SUGCT: variants seen among roughly 807,000 people sequenced by gnomAD.
The protein encoded by SUGCT is succinyl-CoA:glutarate CoA-transferase.
SUGCT carries 41 observed loss-of-function variants against 55.0 expected under a neutral mutation model. That is an observed-to-expected ratio of 0.74 (90% confidence interval 0.58 to 0.97). The LOEUF is 0.97. SUGCT is among the 50% of genes least tolerant of loss of function. The probability of loss-of-function intolerance (pLI) is 0.00; values close to 1 mark genes in which losing one functional copy is unlikely to be tolerated. For missense variants in SUGCT, 568 were observed against 547.8 expected, an observed-to-expected ratio of 1.04 and a Z score of -0.37; for synonymous variants, 187 against 200.4, an observed-to-expected ratio of 0.93 and a Z score of 0.56.
At chr7:40,405,137 G>T (rs561305670) in intron 9 of SUGCT, among the ~76,000 whole-genome samples, 3 of 152,278 alleles carry the variant, frequency 2.0e-5, no homozygotes, top group African/African-American at 7.2e-5. Context: ...CTCAACAGCA[G>T]AAGTGTTTAA....
the SUGCT span, among the ~76,000 whole-genome samples, chr7:40,878,628 A>T: frequency 1.3e-5 from 2 of 152,246 alleles, no homozygotes; most frequent in Non-Finnish European, 2.9e-5. Flanking sequence ...TTGGAAGGCA[A>T]ATACTTTACC....
At chr7:40,887,114 A>G in the SUGCT span, among the ~76,000 whole-genome samples, 10 of 152,240 alleles carry the variant, frequency 6.6e-5, no homozygotes, top group Non-Finnish European at 1.0e-4. Context: ...CAGTATAACC[A>G]GTGGCTGGAA....
chr7:40,874,554 A>G, the SUGCT span, among the ~76,000 whole-genome samples: 3 of 152,234 alleles, frequency 2.0e-5, no homozygotes, highest in Non-Finnish European at 2.9e-5. Flanking sequence ...ATCACCCTGT[A>G]AATTTTTATC....
At chr7:40,407,946 C>A (rs1462221080) in intron 9 of SUGCT, among the ~76,000 whole-genome samples, 1 of 152,042 alleles carries the variant, frequency 6.6e-6, no homozygotes, top group Non-Finnish European at 1.5e-5. Context: ...TACCTATTTT[C>A]TTTGAAAGGA....
At chr7:40,191,242 C>T (rs1173782379) in intron 5 of SUGCT, among the ~76,000 whole-genome samples, 4 of 152,108 alleles carry the variant, frequency 2.6e-5, no homozygotes, top group Non-Finnish European at 5.9e-5. Context: ...GTCTCAAACT[C>T]CTAACCTCAG....
At chr7:40,825,252 A>G (rs541918051) in intron 13 of SUGCT, among the ~76,000 whole-genome samples, 1 of 152,314 alleles carries the variant, frequency 6.6e-6, no homozygotes, top group South Asian at 2.1e-4. Context: ...AGGGAAAATA[A>G]ATTGTTTTTT....
At chr7:40,337,265 T>C (rs1030636973) in intron 9 of SUGCT, among the ~76,000 whole-genome samples, 1 of 152,166 alleles carries the variant, frequency 6.6e-6, no homozygotes, top group Non-Finnish European at 1.5e-5. Flanking sequence ...CTATTACTTC[T>C]GCTTGGTGCA....
At chr7:40,554,369 T>G (rs1480451040) in intron 12 of SUGCT, among the ~76,000 whole-genome samples, 2 of 152,180 alleles carry the variant, frequency 1.3e-5, no homozygotes, top group African/African-American at 4.8e-5. Context: ...CCTGCCAACT[T>G]GTTAGGGAAT....
At chr7:40,567,788 C>T (rs542085166) in intron 12 of SUGCT, among the ~76,000 whole-genome samples, 6 of 152,262 alleles carry the variant, frequency 3.9e-5, no homozygotes, top group South Asian at 4.1e-4. Context: ...CTAAGTAAAC[C>T]GTGTCTTCAG....
chr7:40,467,504 C>T (rs1583758320), intron 11 of SUGCT, among the ~76,000 whole-genome samples: 1 of 152,136 alleles, frequency 6.6e-6, no homozygotes, highest in South Asian at 2.1e-4. Context: ...TTTACTGTAG[C>T]TACTCTGTTG....
chr7:40,281,596 A>T (rs1238953778), intron 8 of SUGCT, among the ~76,000 whole-genome samples: 1 of 152,222 alleles, frequency 6.6e-6, no homozygotes, highest in East Asian at 1.9e-4. Context: ...TGAGACAATC[A>T]TATAATTTTT....
the SUGCT span, among the ~76,000 whole-genome samples, chr7:40,877,745 G>A: frequency 2.0e-5 from 3 of 152,344 alleles, no homozygotes; most frequent in African/African-American, 7.2e-5. Flanking sequence ...TGAGTTATTA[G>A]ATACTTGAGG....
At chr7:40,380,341 A>T (rs1280649209) in intron 9 of SUGCT, among the ~76,000 whole-genome samples, 1 of 152,212 alleles carries the variant, frequency 6.6e-6, no homozygotes, top group Non-Finnish European at 1.5e-5. Context: ...GGATTGCTAC[A>T]AGCCATTACT....
intron 12 of SUGCT, among the ~76,000 whole-genome samples, chr7:40,541,642 A>G (rs1224295516): frequency 6.6e-6 from 1 of 152,226 alleles, no homozygotes; most frequent in African/African-American, 2.4e-5. Context: ...GAATGAATGT[A>G]TAATACAGTA....
At chr7:40,151,443 T>G (rs1788567360) in intron 1 of SUGCT, among the ~76,000 whole-genome samples, 1 of 152,214 alleles carries the variant, frequency 6.6e-6, no homozygotes, top group Admixed American at 6.5e-5. Context: ...AAGATTGTAT[T>G]CACAGTGACT....
At chr7:40,778,415 A>G (rs1288822455) in intron 13 of SUGCT, among the ~76,000 whole-genome samples, 2 of 152,258 alleles carry the variant, frequency 1.3e-5, no homozygotes, top group African/African-American at 2.4e-5. Flanking sequence ...GAAATTAAAT[A>G]TGATATTTAG....
At chr7:40,835,169 A>T (rs1792897815) in intron 13 of SUGCT, among the ~76,000 whole-genome samples, 1 of 152,376 alleles carries the variant, frequency 6.6e-6, no homozygotes, top group South Asian at 2.1e-4. Flanking sequence ...TCAAACACCC[A>T]CATGAGGCTG....
rs77034459 is a variant in SUGCT at position 40,303,458 on chromosome 7, C to T, written c.721-13302C>T. Among the ~76,000 whole-genome samples, 544 of 152,098 alleles carry T rather than the reference C, an allele frequency of 3.6e-3. 12 individuals are homozygous for T. The East Asian group carries it at 0.077, about 21-fold the overall frequency. On this transcript the variant is annotated intron_variant, in intron 8 of 13. Transcript: ENST00000335693. ...TGTTCCCAGGACTTGTGATTCCATC[C>T]TTTAAATGTCTCTCAGATTTGCCAT... is the stretch of plus-strand genomic sequence containing the variant.
intron 7 of SUGCT, among the ~76,000 whole-genome samples, chr7:40,238,491 C>T (rs1789154120): frequency 6.6e-6 from 1 of 152,066 alleles, no homozygotes; most frequent in African/African-American, 2.4e-5. Context: ...TCAAAACAAA[C>T]TAGATTGATG....
Sources: allele counts gnomAD v4.1 joint callset (sites outside exome capture counted in the v4.1 genomes callset), GRCh38; gene constraint gnomAD v4.1.1; transcripts MANE v1.5; gene names NCBI Gene and HGNC (gene_info 2026-07-23, HGNC 2026-07-21).